WDR59: variants seen among roughly 807,000 people sequenced by gnomAD.
WDR59 encodes WD repeat domain 59.
In WDR59, 100 loss-of-function variants were observed where a neutral mutation model predicts 131.2. The observed-to-expected ratio is 0.76, with a 90% confidence interval of 0.65 to 0.90. The LOEUF (loss-of-function observed/expected upper bound fraction) is 0.90. WDR59 is among the 40% of genes least tolerant of loss of function. The pLI, the probability that WDR59 is intolerant of heterozygous loss-of-function variation, is 0.00. For synonymous variants in WDR59, 601 were observed against 466.2 expected (o/e 1.29, Z -3.72); for missense variants, 1,203 against 1,262.2 (o/e 0.95, Z 0.71).
At chr16:74,904,133 C>A (rs777154210) in intron 17 of WDR59, 33 bp from the exon 18 acceptor site, 1 of 1,595,564 alleles carries the variant, frequency 6.3e-7, no homozygotes, top group South Asian at 1.1e-5. Context: ...TCCACACTGG[C>A]TGCAGTCCTG....
intron 10 of WDR59, among the ~76,000 whole-genome samples, chr16:74,920,265 T>C (rs564109006): frequency 6.6e-6 from 1 of 152,232 alleles, no homozygotes; most frequent in African/African-American, 2.4e-5. Flanking sequence ...GTATATGAGA[T>C]ATTCAACACT....
At chr16:74,875,612 T>C (rs9922833) in intron 25 of WDR59, among the ~76,000 whole-genome samples, 2,670 of 152,278 alleles carry the variant, frequency 0.018, 60 homozygotes, top group African/African-American at 0.057. Flanking sequence ...TTTGCCCTCA[T>C]CCCTAACCCA....
intron 8 of WDR59, among the ~76,000 whole-genome samples, chr16:74,932,053 G>A (rs1243760025): frequency 6.7e-6 from 1 of 150,230 alleles, no homozygotes; most frequent in East Asian, 1.9e-4. Flanking sequence ...AATATATAAT[G>A]TTTAAGCATA....
At chr16:74,929,765 G>A (rs946528748) in intron 8 of WDR59, among the ~76,000 whole-genome samples, 1 of 152,152 alleles carries the variant, frequency 6.6e-6, no homozygotes, top group Non-Finnish European at 1.5e-5. Flanking sequence ...AATAGCCAAG[G>A]TCTAGAAGCA....
At chr16:74,915,818 T>C (rs1486046421) in intron 13 of WDR59, 52 bp downstream of exon 13, 6 of 1,610,636 alleles carry the variant, frequency 3.7e-6, no homozygotes, top group Non-Finnish European at 5.1e-6. Context: ...TGGTTCCCTC[T>C]CCCACAAACT....
chr16:74,874,422 G>A lies in WDR59; in HGVS notation c.2712C>T (p.His904=). 6.2e-7 allele frequency: 1 copy of A among 1,614,058 alleles called. No homozygotes were observed. Among genetic ancestry groups the A allele is most frequent in the Non-Finnish European group, 8.5e-7 (1 of 1,180,024 alleles). ...KGIEFGVYCS[H]CRSEVRGTQC... ...GCGTGCCACGGACCTCACTCCGGCA[G>A]TGGCTGCAGTACACGCCGAACTCTG... Residue 904 remains histidine, a synonymous_variant, in exon 26 of 26, where the codon CAC becomes CAT. Transcript: ENST00000262144.
chr16:74,930,345 T>G (rs1865631329), intron 8 of WDR59, among the ~76,000 whole-genome samples: 1 of 152,020 alleles, frequency 6.6e-6, no homozygotes, highest in South Asian at 2.1e-4. Context: ...CCCATAAATT[T>G]CTCTTTAAAA....
At chr16:74,937,057 A>T (rs193114646) in intron 8 of WDR59, among the ~76,000 whole-genome samples, 1 of 152,332 alleles carries the variant, frequency 6.6e-6, no homozygotes, top group Non-Finnish European at 1.5e-5. Flanking sequence ...ACACTGAATC[A>T]TAAAATTGCT....
rs186031623 is a variant in WDR59 at position 74,935,335 on chromosome 16, G to T, written c.651+2815C>A. Among the ~76,000 whole-genome samples the T allele has an allele frequency of 8.0e-5, 12 of 150,108 alleles. No homozygotes were observed. In the East Asian group the frequency reaches 2.3e-3, roughly 29 times the overall value. On this transcript the variant is annotated intron_variant, in intron 8 of 25. Transcript: ENST00000262144. ...AGGCTGCTGTTAACCCAAGATCAGG[G>T]AAAAAAAAAGATTATGTAAAATGAT...
At chr16:74,917,394 G>A (rs1966443339) in intron 11 of WDR59, among the ~76,000 whole-genome samples, 1 of 152,174 alleles carries the variant, frequency 6.6e-6, no homozygotes, top group Non-Finnish European at 1.5e-5. Context: ...AGAATAAGGA[G>A]GGGAAAGACA....
chr16:74,892,617 A>C, intron 19 of WDR59, 52 bp from the exon 20 acceptor site: 2 of 1,412,522 alleles, frequency 1.4e-6, no homozygotes, highest in Non-Finnish European at 9.9e-7. Context: ...AACTTCCCAA[A>C]TCAACGACTC....
In WDR59 at chr16:74,951,397, C is replaced by T. The variant is rs182345931; in HGVS notation, c.326+61G>A. On this transcript the variant is annotated intron_variant, in intron 4 of 25. Transcript: ENST00000262144. The stretch of plus-strand genomic sequence containing the variant: ...TGCAAGGAGGACGGCATCATCATTT[C>T]GTTCCCAGGGGACTGTGACAAAGCA... 9.9e-5 allele frequency: 148 copies of T among 1,490,038 alleles called. 1 individual carries two copies. The East Asian group carries it at 3.1e-3, about 31-fold the overall frequency. The allele number at this position is 1,490,038 out of a possible 1,614,324, so 92.3% of individuals were successfully genotyped here.
intron 25 of WDR59, among the ~76,000 whole-genome samples, chr16:74,876,977 C>A (rs948684772): frequency 2.0e-5 from 3 of 151,878 alleles, no homozygotes; most frequent in Non-Finnish European, 2.9e-5. Context: ...TTCTCTGGGT[C>A]TCTGAGGGAA....
intron 8 of WDR59, among the ~76,000 whole-genome samples, chr16:74,926,345 A>G (rs1349140949): frequency 1.3e-5 from 2 of 152,208 alleles, no homozygotes; most frequent in African/African-American, 4.8e-5. Context: ...GGCATGAGCC[A>G]CCGCGCCCAG....
chr16:74,948,162 T>C (rs1597779647), intron 6 of WDR59, among the ~76,000 whole-genome samples: 1 of 152,172 alleles, frequency 6.6e-6, no homozygotes, highest in Non-Finnish European at 1.5e-5. Context: ...TGATGACAAG[T>C]GTTGAAGGTG....
intron 10 of WDR59, among the ~76,000 whole-genome samples, chr16:74,920,095 T>G (rs536460568): frequency 6.6e-6 from 1 of 150,512 alleles, no homozygotes; most frequent in Non-Finnish European, 1.5e-5. Context: ...AAAATTGATG[T>G]CGAAGACATG....
At chr16:74,959,449 G>C (rs943695367) in intron 2 of WDR59, 1 of 423,458 alleles carries the variant, frequency 2.4e-6, no homozygotes, top group Non-Finnish European at 4.6e-6. Flanking sequence ...CTGAAGGATA[G>C]GGACTAATGC....
intron 1 of WDR59, among the ~76,000 whole-genome samples, chr16:74,973,418 A>G (rs2034065677): frequency 1.3e-5 from 2 of 152,018 alleles, no homozygotes; most frequent in Admixed American, 1.3e-4. Context: ...TCCTGAGTAA[A>G]TGGTACCACA....
chr16:74,942,963 C>T, intron 6 of WDR59, 137 bp from the exon 7 acceptor site: 1 of 695,132 alleles, frequency 1.4e-6, no homozygotes, highest in Non-Finnish European at 2.5e-6. Flanking sequence ...ACTGCACCAA[C>T]TCCACTATTC....
Sources: gnomAD v4.1 joint callset for allele counts (sites outside exome capture counted in the v4.1 genomes callset) on GRCh38, gnomAD v4.1.1 for gene constraint, MANE v1.5 for transcripts, NCBI Gene and HGNC (gene_info 2026-07-23, HGNC 2026-07-21) for gene names.